The following DYNLRB1 variants were observed in gnomAD, a reference collection of about 807,000 sequenced individuals.
DYNLRB1 encodes ROBL/LC7-like 1.
In DYNLRB1, 6 loss-of-function variants were observed where a neutral mutation model predicts 13.5. That is an observed-to-expected ratio of 0.44 (90% CI 0.24 to 0.88). DYNLRB1 has a LOEUF of 0.88. Among genes scored for constraint, DYNLRB1 ranks in the 40% least tolerant of loss-of-function variants. The probability of loss-of-function intolerance (pLI) is 0.21; values close to 1 mark genes in which losing one functional copy is unlikely to be tolerated. For missense variants in DYNLRB1, 93 were observed against 127.2 expected, an observed-to-expected ratio of 0.73 and a Z score of 1.29; for synonymous variants, 43 against 45.0, an observed-to-expected ratio of 0.96 and a Z score of 0.18.
chr20:34,523,161 A>G (rs145255457), intron 1 of DYNLRB1, among the ~76,000 whole-genome samples: 1 of 152,152 alleles, frequency 6.6e-6, no homozygotes, highest in Non-Finnish European at 1.5e-5. Context: ...GCTGAGTCCA[A>G]AGGGTTGGGA....
At chr20:34,527,806 C>T (rs1341704350) in intron 2 of DYNLRB1, among the ~76,000 whole-genome samples, 1 of 152,168 alleles carries the variant, frequency 6.6e-6, no homozygotes, top group African/African-American at 2.4e-5. Context: ...CTGTCTCCTT[C>T]CGAAGGCCTT....
rs573896721 is a variant in DYNLRB1 at position 34,540,619 on chromosome 20, G to A, written c.286G>A (p.Glu96Lys). 2.3e-5 allele frequency: 37 copies of A among 1,613,568 alleles called. No homozygotes were observed. The highest frequency in any genetic ancestry group is 1.2e-4 in the Admixed American group (7 of 59,930). Reference sequence around the variant, plus strand: ...CCTGATTGTGATTCAGAATCCAACCGAATAAGCCACTCTCTTGGCTCCCTG... The same window carrying A: ...CCTGATTGTGATTCAGAATCCAACCAAATAAGCCACTCTCTTGGCTCCCTG... The part of the protein sequence containing the change: ...YFLIVIQNPT[E>K] The change falls in exon 4 of 4, where the codon GAA (glutamate) becomes AAA (lysine). Residue 96 changes from glutamate (E) to lysine (K), a missense_variant. Glu to Lys is a moderately conservative substitution (Grantham distance 56, BLOSUM62 1). Coordinates refer to ENST00000357156, the MANE Select transcript of DYNLRB1 (RefSeq NM_014183.4).
intron 1 of DYNLRB1, among the ~76,000 whole-genome samples, chr20:34,521,460 T>C (rs763912901): frequency 4.2e-4 from 64 of 152,328 alleles, no homozygotes; most frequent in Non-Finnish European, 7.4e-4. Flanking sequence ...TTTTTATTTA[T>C]TTTGTCTGTT....
rs1449603711 is a variant in DYNLRB1 at position 34,526,347 on chromosome 20, C to T, written c.79+4C>T. The T allele has an allele frequency of 6.2e-6, 10 of 1,613,348 alleles. No homozygotes were observed. Among genetic ancestry groups the T allele is most frequent in the African/African-American group, 2.7e-5 (2 of 74,888 alleles). ...ATCATCGTCGTGAACACAGAAGGTACGCCCTCCCTCCCGCCATGACCCGCA... is the reference window on the plus strand; with the variant it reads ...ATCATCGTCGTGAACACAGAAGGTATGCCCTCCCTCCCGCCATGACCCGCA... On this transcript the variant is annotated splice_donor_region_variant and intron_variant, in intron 2 of 3. Transcript: ENST00000357156.
intron 1 of DYNLRB1, among the ~76,000 whole-genome samples, chr20:34,521,987 A>G (rs1402326429): frequency 2.0e-5 from 3 of 152,058 alleles, no homozygotes; most frequent in Non-Finnish European, 2.9e-5. Context: ...GCAGTGAGCC[A>G]TGATCGAACC....
intron 3 of DYNLRB1, chr20:34,535,815 A>G: frequency 1.0e-6 from 1 of 985,260 alleles, no homozygotes; most frequent in Non-Finnish European, 1.2e-6. Flanking sequence ...TCTTGCAAGC[A>G]GAGGTTTTTA....
intron 1 of DYNLRB1, 142 bp downstream of exon 1, chr20:34,516,603 G>A: frequency 6.6e-7 from 1 of 1,515,838 alleles, no homozygotes; most frequent in South Asian, 1.3e-5. Context: ...GGCCCCAGCC[G>A]ACTTGAGGGT....
intron 3 of DYNLRB1, chr20:34,535,167 A>T (rs940362985): frequency 1.2e-5 from 12 of 985,220 alleles, no homozygotes; most frequent in African/African-American, 1.7e-5. Flanking sequence ...GCTGAATCTT[A>T]AGGGCACCAG....
At chr20:34,520,863 A>C (rs1161563224) in intron 1 of DYNLRB1, among the ~76,000 whole-genome samples, 1 of 152,204 alleles carries the variant, frequency 6.6e-6, no homozygotes, top group Non-Finnish European at 1.5e-5. Flanking sequence ...AATTCTTAGG[A>C]AAATAATTTC....
In DYNLRB1 at chr20:34,516,436, C is replaced by A; in HGVS notation, c.-23C>A. On this transcript the variant is annotated 5_prime_UTR_variant, in exon 1 of 4. Coordinates refer to ENST00000357156, the MANE Select transcript of DYNLRB1 (RefSeq NM_014183.4). ...CAGGACTCGCTAAGTGTTCGCTACG[C>A]GGGGCTACCGGATCGGTCGGAAATG... 6.2e-7 allele frequency: 1 copy of A among 1,612,934 alleles called. No homozygotes were observed. The highest frequency in any genetic ancestry group is 8.5e-7 in the Non-Finnish European group (1 of 1,179,370).
At chr20:34,527,009 C>T (rs534372873) in intron 2 of DYNLRB1, among the ~76,000 whole-genome samples, 6 of 152,272 alleles carry the variant, frequency 3.9e-5, no homozygotes, top group South Asian at 2.1e-4. Context: ...TACTAACTTT[C>T]CCAGACTGCA....
intron 1 of DYNLRB1, among the ~76,000 whole-genome samples, chr20:34,518,455 C>T (rs139409984): frequency 1.3e-5 from 2 of 151,994 alleles, no homozygotes; most frequent in East Asian, 3.9e-4. Flanking sequence ...TTCCCACTCT[C>T]CTAACCCCCA....
At chr20:34,534,065 C>T (rs775845931) in intron 2 of DYNLRB1, among the ~76,000 whole-genome samples, 5 of 149,848 alleles carry the variant, frequency 3.3e-5, no homozygotes, top group East Asian at 2.0e-4. Flanking sequence ...CACTTGAACC[C>T]GGGAGGCAGA....
intron 1 of DYNLRB1, among the ~76,000 whole-genome samples, chr20:34,525,235 C>G (rs1980100260): frequency 6.6e-6 from 1 of 152,044 alleles, no homozygotes; most frequent in African/African-American, 2.4e-5. Context: ...AACTCTCAGC[C>G]TTTGAGGGGC....
At chr20:34,533,795 G>A (rs1980899790) in intron 2 of DYNLRB1, among the ~76,000 whole-genome samples, 1 of 151,568 alleles carries the variant, frequency 6.6e-6, no homozygotes, top group South Asian at 2.1e-4. Context: ...CTCCAGCCTG[G>A]GCGACACAGC....
chr20:34,517,020 TC>T, intron 1 of DYNLRB1: 4 of 1,216,844 alleles, frequency 3.3e-6, no homozygotes, highest in Non-Finnish European at 4.2e-6. Flanking sequence ...CGTGGTTCTT[TC>T]TAGCCGCTGG....
intron 3 of DYNLRB1, among the ~76,000 whole-genome samples, chr20:34,540,170 GAT>G (rs1481112825): frequency 7.2e-5 from 11 of 152,218 alleles, no homozygotes; most frequent in African/African-American, 2.7e-4. Flanking sequence ...CCCACTAAAT[GAT>G]GGTTCTGGGC....
chr20:34,525,954 A>G (rs1980164266), intron 1 of DYNLRB1, among the ~76,000 whole-genome samples: 2 of 152,222 alleles, frequency 1.3e-5, no homozygotes, highest in Non-Finnish European at 2.9e-5. Flanking sequence ...TATGTGAGTC[A>G]TGGACATGTA....
upstream of DYNLRB1, chr20:34,516,326 G>T (rs576503447): frequency 1.9e-3 from 2,565 of 1,380,490 alleles, 44 homozygotes; most frequent in African/African-American, 0.034. Flanking sequence ...AGATCGGCTC[G>T]CCCGCCCCCG....
Sources: allele counts gnomAD v4.1 joint callset (sites outside exome capture counted in the v4.1 genomes callset), GRCh38; gene constraint gnomAD v4.1.1; transcripts MANE v1.5; gene names NCBI Gene and HGNC (gene_info 2026-07-23, HGNC 2026-07-21).